TGM5: variants seen among roughly 807,000 people sequenced by gnomAD.
The protein encoded by TGM5 is transglutaminase 5.
Under a neutral mutation model 77.2 loss-of-function variants are expected in TGM5, and 69 were observed. That is an observed-to-expected ratio of 0.89 (90% CI 0.74 to 1.09). The LOEUF (loss-of-function observed/expected upper bound fraction) is 1.09, where lower values mean the gene tolerates loss of function less well. TGM5 is among the 50% of genes least tolerant of loss of function. TGM5 has a pLI of 0.00. For synonymous variants in TGM5, 346 were observed against 351.8 expected (o/e 0.98, Z 0.18); for missense variants, 842 against 896.5 (o/e 0.94, Z 0.78).
chr15:43,256,737 C>T (rs1404923130), intron 3 of TGM5, 51 bp from the exon 4 acceptor site: 3 of 1,290,470 alleles, frequency 2.3e-6, no homozygotes, highest in Non-Finnish European at 1.1e-6. Context: ...CTTTCCCTTA[C>T]TGCCCCATTC....
rs1415753395 is a variant in TGM5 at position 43,260,449 on chromosome 15, G to A, written c.141C>T (p.Asn47=). 6.2e-7 allele frequency: 1 copy of A among 1,614,176 alleles called. No individual in the cohort carries two copies. Residue 47 remains asparagine, a synonymous_variant, in exon 2 of 13, where the codon AAC becomes AAT. Transcript: ENST00000220420. The stretch of plus-strand genomic sequence containing the variant: ...TGTCCAGGCCTGGCTGGAAGCTCCG[G>A]TTCCTGAAGTACAGGGTGAGGTTGA... The part of the protein sequence containing the change: ...QAFNLTLYFR[N]RSFQPGLDNI...
At chr15:43,261,076 G>GTTTT (rs1555384178) in intron 1 of TGM5, among the ~76,000 whole-genome samples, 1 of 56,884 alleles carries the variant, frequency 1.8e-5, no homozygotes. Flanking sequence ...TTGTGTGTGT[G>GTTTT]TTTTTTTTTT....
chr15:43,239,391 T>C, intron 7 of TGM5, 125 bp from the exon 8 acceptor site: 1 of 955,882 alleles, frequency 1.0e-6, no homozygotes, highest in Non-Finnish European at 1.6e-6. Context: ...GCTTAAAACC[T>C]CTGTGGATAG....
chr15:43,254,314 GGC>G (rs2042729223), intron 4 of TGM5, among the ~76,000 whole-genome samples: 1 of 152,162 alleles, frequency 6.6e-6, no homozygotes, highest in African/African-American at 2.4e-5. Flanking sequence ...TGAGTCTCGG[GGC>G]TGTTTCAGTC....
intron 6 of TGM5, among the ~76,000 whole-genome samples, chr15:43,250,427 G>A (rs1416478155): frequency 6.6e-6 from 1 of 152,152 alleles, no homozygotes; most frequent in African/African-American, 2.4e-5. Flanking sequence ...GCCAATTAAT[G>A]GTAGTGCTGG....
At chr15:43,243,395 G>A (rs911297694) in intron 6 of TGM5, among the ~76,000 whole-genome samples, 3 of 152,196 alleles carry the variant, frequency 2.0e-5, no homozygotes, top group Admixed American at 6.5e-5. Flanking sequence ...TCAACTGTCC[G>A]TAGAGCATAA....
chr15:43,253,387 C>T, intron 5 of TGM5, 119 bp downstream of exon 5: 2 of 1,426,054 alleles, frequency 1.4e-6, no homozygotes, highest in Admixed American at 3.8e-5. Flanking sequence ...TGGCGTCAGT[C>T]TCATCCAAGA....
At chr15:43,263,913 T>A (rs2042807757) in intron 1 of TGM5, among the ~76,000 whole-genome samples, 1 of 152,240 alleles carries the variant, frequency 6.6e-6, no homozygotes, top group Non-Finnish European at 1.5e-5. Context: ...AAATCCTATA[T>A]CTGGCAAAGG....
intron 1 of TGM5, among the ~76,000 whole-genome samples, chr15:43,262,513 G>A (rs576239347): frequency 2.0e-5 from 3 of 152,336 alleles, no homozygotes; most frequent in South Asian, 4.1e-4. Flanking sequence ...CCAGCCGGGC[G>A]TGGTGGCTCA....
At position 43,233,022 on chromosome 15, in the gene TGM5, A is replaced by G. The variant is rs938888551; in HGVS notation, c.*169T>C. 1.2e-6 allele frequency: 1 copy of G among 825,914 alleles called. No homozygotes were observed. The highest frequency in any genetic ancestry group is 1.7e-5 in the African/African-American group (1 of 58,226). The allele number at this position is 825,914 out of a possible 1,614,324, so 51.2% of individuals were successfully genotyped here. Reference sequence around the variant, plus strand: ...AAGTCTTTGCCCTCATGGAGCTTAAATTTCTAGTGGAGTCAGGAGAGACAG... The same window carrying G: ...AAGTCTTTGCCCTCATGGAGCTTAAGTTTCTAGTGGAGTCAGGAGAGACAG... On this transcript the variant is annotated 3_prime_UTR_variant, in exon 13 of 13. Transcript: ENST00000220420.
intron 1 of TGM5, 36 bp from the exon 2 acceptor site, chr15:43,260,615 G>A: frequency 1.2e-6 from 2 of 1,612,178 alleles, no homozygotes; most frequent in Non-Finnish European, 8.5e-7. Context: ...CAAAATAGTG[G>A]GGTTGTGGAG....
chr15:43,246,002 A>G (rs1566831873), intron 6 of TGM5, among the ~76,000 whole-genome samples: 1 of 152,070 alleles, frequency 6.6e-6, no homozygotes, highest in Non-Finnish European at 1.5e-5. Context: ...CAACAGAGAA[A>G]AGACAAAAAT....
chr15:43,245,080 C>CTAAAA (rs930789250), intron 6 of TGM5, among the ~76,000 whole-genome samples: 59 of 151,502 alleles, frequency 3.9e-4, no homozygotes, highest in African/African-American at 1.3e-3. Context: ...GAGATCCTGT[C>CTAAAA]TAAAATAAAA....
chr15:43,235,069 T>C, intron 10 of TGM5, 140 bp from the exon 11 acceptor site: 1 of 1,083,168 alleles, frequency 9.2e-7, no homozygotes, highest in South Asian at 1.5e-5. Context: ...GCTTTTTAGA[T>C]GAGGAAATGA....
chr15:43,246,682 G>A (rs746261169), intron 6 of TGM5, among the ~76,000 whole-genome samples: 4 of 152,180 alleles, frequency 2.6e-5, no homozygotes, highest in Non-Finnish European at 5.9e-5. Context: ...AGGATGGAGT[G>A]TATGGAGGGG....
chr15:43,235,764 T>C lies in TGM5; in HGVS notation c.1419A>G (p.Gln473=). The C allele has an allele frequency of 6.2e-7, 1 of 1,614,194 alleles. No individual in the cohort carries two copies. The highest frequency in any genetic ancestry group is 8.5e-7 in the Non-Finnish European group (1 of 1,180,028). ...KLKARSFHGS[Q]RGAELQPSRP... is the part of the protein sequence containing the mutation. ...TGGAAGGTTGCAACTCTGCTCCTCT[T>C]TGGGAGCCATGGAAGCTTCTAGCCT... The change falls in exon 10 of 13, where the codon CAA becomes CAG. Residue 473 remains glutamine (Q), a synonymous_variant. Transcript: ENST00000220420.
rs1189097978 is a variant in TGM5 at position 43,252,886 on chromosome 15, A to C, written c.735T>G (p.Asn245Lys). ...NGVLNGNWSE[N>K]YTDGANPAEW... ...CCGCAGGGTTGGCGCCGTCTGTGTA[A>C]TTCTCACTCCAGTTTCCATTGAGCA... The change falls in exon 6 of 13, where the codon AAT becomes AAG. Residue 245 changes from asparagine to lysine, a missense_variant. Around this residue, in one of 2 missense-constraint regions of TGM5, gnomAD observed 815 missense variants for 844.6 expected, o/e 0.96. Coordinates refer to ENST00000220420, the MANE Select transcript of TGM5 (RefSeq NM_201631.4). The C allele has an allele frequency of 6.2e-7, 1 of 1,613,836 alleles. No individual in the cohort carries two copies. The highest frequency in any genetic ancestry group is 8.5e-7 in the Non-Finnish European group (1 of 1,180,024).
chr15:43,263,707 C>T (rs1388536717), intron 1 of TGM5, among the ~76,000 whole-genome samples: 3 of 152,156 alleles, frequency 2.0e-5, no homozygotes, highest in Non-Finnish European at 4.4e-5. Flanking sequence ...AGCTATGAAA[C>T]TCCTGGAAGA....
intron 6 of TGM5, chr15:43,241,385 G>T: frequency 3.1e-6 from 1 of 322,516 alleles, no homozygotes; most frequent in South Asian, 2.9e-5. Context: ...ATTCCTTTCT[G>T]TAGTTAGGAT....
Sources: gnomAD v4.1 joint callset for allele counts (sites outside exome capture counted in the v4.1 genomes callset) on GRCh38, gnomAD v4.1.1 for gene constraint, gnomAD v4.1.1 regional missense constraint, MANE v1.5 for transcripts, NCBI Gene and HGNC (gene_info 2026-07-23, HGNC 2026-07-21) for gene names.